Variants in NFASC observed in about 807,000 individuals in gnomAD.
NFASC encodes the protein neurofascin homolog.
Under a neutral mutation model 147.5 loss-of-function variants are expected in NFASC, and 43 were observed. The ratio of observed to expected loss-of-function variants is 0.29; its 90% CI spans 0.23 to 0.38. NFASC has a LOEUF of 0.38. Ranked by LOEUF, NFASC falls within the 10% of genes least tolerant of loss-of-function variation. NFASC has a pLI of 1.00. For synonymous variants in NFASC, 622 were observed against 665.5 expected, an observed-to-expected ratio of 0.93 and a Z score of 1.01; for missense variants, 1,320 against 1,689.0, an observed-to-expected ratio of 0.78 and a Z score of 3.83.
At chr1:204,977,123 TA>T in intron 16 of NFASC, 2 of 1,169,704 alleles carry the variant, frequency 1.7e-6, no homozygotes, top group South Asian at 7.6e-5. Context: ...CTAAGTCAAT[TA>T]AAACAATCCA....
intron 1 of NFASC, among the ~76,000 whole-genome samples, chr1:204,881,813 T>C (rs2080302337): frequency 1.3e-5 from 2 of 152,134 alleles, no homozygotes; most frequent in South Asian, 4.2e-4. Flanking sequence ...TAAAATCCAG[T>C]TTTAGCAAGA....
At chr1:204,959,096 T>C (rs1383161006) in intron 8 of NFASC, among the ~76,000 whole-genome samples, 1 of 151,774 alleles carries the variant, frequency 6.6e-6, no homozygotes, top group Non-Finnish European at 1.5e-5. Flanking sequence ...ATTTTCTTCC[T>C]TTTTCTTTTT....
At chr1:204,892,243 C>T (rs12405378) in intron 1 of NFASC, among the ~76,000 whole-genome samples, 39,249 of 152,128 alleles carry the variant, frequency 0.26, 8,657 homozygotes, top group East Asian at 0.72. Flanking sequence ...CCCTTCCTTT[C>T]CTGAACTCTT....
rs75481009 is a variant in NFASC at position 204,840,845 on chromosome 1, A to C, written c.-200+12063A>C. Among the ~76,000 whole-genome samples the C allele has an allele frequency of 6.2e-3, 950 of 152,354 alleles. 18 individuals carry two copies. Among genetic ancestry groups the C allele is most frequent in the Admixed American group, 0.042 (644 of 15,302 alleles). On this transcript the variant is annotated intron_variant, in intron 1 of 29. Coordinates refer to ENST00000339876, the MANE Select transcript of NFASC (RefSeq NM_001005388.3). ...GGGCAGAGACTGAATTAGGGATCAGAAGACTGGGGCTAAAGTGACTAGCAC... is the reference window on the plus strand; with the variant it reads ...GGGCAGAGACTGAATTAGGGATCAGCAGACTGGGGCTAAAGTGACTAGCAC...
At position 205,001,193 on chromosome 1, in the gene NFASC, A is replaced by C. The variant is rs2095976665; in HGVS notation, c.3043A>C (p.Asn1015His). The change falls in exon 26 of 30, where the codon AAC (asparagine) becomes CAC (histidine). Residue 1015 changes from asparagine to histidine, a missense_variant. Around this residue, in one of 3 missense-constraint regions of NFASC, gnomAD observed 172 missense variants for 165.8 expected, o/e 1.04. Transcript: ENST00000339876. ...ESAPDEQSIW[N>H]VTVLPNSKWA... ...AGCCCCTGATGAGCAGTCCATATGG[A>C]ACGTCACGGTGCTCCCCAACAGTAA... is the stretch of plus-strand genomic sequence containing the variant. 1 of 1,611,186 alleles carries C rather than the reference A, an allele frequency of 6.2e-7. No homozygotes were observed. The highest frequency in any genetic ancestry group is 1.3e-5 in the African/African-American group (1 of 74,854).
chr1:204,881,849 A>AC (rs960635402), intron 1 of NFASC, among the ~76,000 whole-genome samples: 1 of 151,788 alleles, frequency 6.6e-6, no homozygotes, highest in Admixed American at 6.6e-5. Context: ...TTTGACAAGA[A>AC]CCCCCCACCT....
At chr1:204,922,918 C>T (rs997009511) in intron 2 of NFASC, among the ~76,000 whole-genome samples, 5 of 152,202 alleles carry the variant, frequency 3.3e-5, no homozygotes, top group East Asian at 3.9e-4. Flanking sequence ...CAGCACTCCC[C>T]GTGCACCAGG....
chr1:205,009,749 C>G (rs2096215034), intron 28 of NFASC, 61 bp downstream of exon 28: 4 of 1,547,496 alleles, frequency 2.6e-6, no homozygotes, highest in Non-Finnish European at 3.5e-6. Context: ...CCGTGAGTCT[C>G]CAGGTCTCCA....
At chr1:205,014,307 G>A (rs1188123799) in intron 29 of NFASC, among the ~76,000 whole-genome samples, 1 of 152,182 alleles carries the variant, frequency 6.6e-6, no homozygotes, top group Non-Finnish European at 1.5e-5. Context: ...ACACCCCTCT[G>A]CTTTGGCTCT....
chr1:204,860,860 T>A (rs1479788935), intron 1 of NFASC, among the ~76,000 whole-genome samples: 1 of 152,298 alleles, frequency 6.6e-6, no homozygotes, highest in Admixed American at 6.5e-5. Flanking sequence ...GTGGACTTAG[T>A]ATCATGTCTT....
At chr1:204,862,397 T>G (rs1169488358) in intron 1 of NFASC, among the ~76,000 whole-genome samples, 1 of 152,244 alleles carries the variant, frequency 6.6e-6, no homozygotes, top group East Asian at 1.9e-4. Flanking sequence ...CCAAGGGGAC[T>G]TCTTTGAAGG....
intron 1 of NFASC, among the ~76,000 whole-genome samples, chr1:204,857,067 G>T (rs1315182402): frequency 6.6e-6 from 1 of 152,232 alleles, no homozygotes; most frequent in Admixed American, 6.5e-5. Flanking sequence ...GCAGGGTCAT[G>T]TGGTAATTCT....
rs182076474 is a variant in NFASC at position 204,967,575 on chromosome 1, C to A, written c.707-674C>A. On this transcript the variant is annotated intron_variant, in intron 8 of 29. Transcript: ENST00000339876. ...CGGCCACTTTTCTCCCACCCCCTCCCCGAGCAGCTCACATGTAATTACTAC... is the reference window on the plus strand; with the variant it reads ...CGGCCACTTTTCTCCCACCCCCTCCACGAGCAGCTCACATGTAATTACTAC... 2.4e-3 allele frequency among the ~76,000 whole-genome samples: 363 copies of A among 152,188 alleles called. 1 individual carries two copies. Among genetic ancestry groups the A allele is most frequent in the Middle Eastern group, 0.01 (3 of 294 alleles).
At chr1:204,882,854 G>A (rs1441216360) in intron 1 of NFASC, among the ~76,000 whole-genome samples, 1 of 152,098 alleles carries the variant, frequency 6.6e-6, no homozygotes, top group Non-Finnish European at 1.5e-5. Flanking sequence ...TTTCATAAAA[G>A]TGGATTTTGG....
chr1:204,906,687 AT>A (rs34856511), intron 1 of NFASC, among the ~76,000 whole-genome samples: 61,226 of 145,520 alleles, frequency 0.42, 13,389 homozygotes, highest in South Asian at 0.56. Context: ...ACATATATGC[AT>A]TTTTTTTTTT....
Position 204,961,582 on chromosome 1 carries a change from T to G in NFASC, c.706+3756T>G, listed in dbSNP as rs867574350. The stretch of plus-strand genomic sequence containing the variant: ...GGCCAGGGCCCCTTGGCCCAACTCT[T>G]TTGGTCAATGACCTCCTCCCATTTA... On this transcript the variant is annotated intron_variant, in intron 8 of 29. Transcript: ENST00000339876. Among the ~76,000 whole-genome samples, 8 of 152,240 alleles carry G rather than the reference T, an allele frequency of 5.3e-5. No individual in the cohort carries two copies. In the South Asian group the frequency reaches 6.2e-4, roughly 12 times the overall value.
chr1:204,936,111 G>T (rs1282107765), intron 2 of NFASC, among the ~76,000 whole-genome samples: 1 of 151,620 alleles, frequency 6.6e-6, no homozygotes, highest in East Asian at 1.9e-4. Context: ...CTTGAAGAAG[G>T]CCCCTGAGTC....
intron 1 of NFASC, among the ~76,000 whole-genome samples, chr1:204,860,107 A>T (rs2076530841): frequency 6.6e-6 from 1 of 152,132 alleles, no homozygotes; most frequent in Non-Finnish European, 1.5e-5. Context: ...CAGGGAAGGG[A>T]CAGCTCCTTC....
intron 1 of NFASC, among the ~76,000 whole-genome samples, chr1:204,859,542 C>G (rs2076487118): frequency 6.6e-6 from 1 of 152,204 alleles, no homozygotes; most frequent in African/African-American, 2.4e-5. Context: ...ATTATCTGTG[C>G]TATATTGTGG....
Sources: allele counts gnomAD v4.1 joint callset (sites outside exome capture counted in the v4.1 genomes callset), GRCh38; gene constraint gnomAD v4.1.1; regional missense constraint gnomAD v4.1.1; transcripts MANE v1.5; gene names NCBI Gene and HGNC (gene_info 2026-07-23, HGNC 2026-07-21).